SNX30: variants seen among roughly 807,000 people sequenced by gnomAD.
SNX30 encodes the protein sorting nexin family member 30, also known as sorting nexin-30.
A neutral mutation model predicts 46.4 loss-of-function variants in SNX30; 24 were observed. That is an observed-to-expected ratio of 0.52 (90% CI 0.37 to 0.73). The LOEUF (loss-of-function observed/expected upper bound fraction) is 0.73. Among genes scored for constraint, SNX30 ranks in the 30% least tolerant of loss-of-function variants. SNX30 has a pLI of 0.00. For synonymous variants in SNX30, 189 were observed against 211.5 expected, an observed-to-expected ratio of 0.89 and a Z score of 0.92; for missense variants, 533 against 555.7, an observed-to-expected ratio of 0.96 and a Z score of 0.41.
At chr9:112,754,588 T>A (rs1390817459) in intron 1 of SNX30, among the ~76,000 whole-genome samples, 1 of 152,014 alleles carries the variant, frequency 6.6e-6, no homozygotes, top group Non-Finnish European at 1.5e-5. Context: ...TTATTTTTAG[T>A]AGTGATGGGG....
chr9:112,843,203 G>A (rs1840885320), intron 6 of SNX30, among the ~76,000 whole-genome samples: 1 of 152,176 alleles, frequency 6.6e-6, no homozygotes, highest in Non-Finnish European at 1.5e-5. Context: ...ATAGAAGGTG[G>A]TCAGCAAGCA....
chr9:112,817,316 G>C (rs1248240320), intron 2 of SNX30, among the ~76,000 whole-genome samples: 1 of 149,088 alleles, frequency 6.7e-6, no homozygotes, highest in Non-Finnish European at 1.5e-5. Flanking sequence ...GTTAAGCTTG[G>C]AGGAAATGAA....
At chr9:112,793,242 C>G (rs1840054461) in intron 1 of SNX30, among the ~76,000 whole-genome samples, 1 of 152,200 alleles carries the variant, frequency 6.6e-6, no homozygotes, top group African/African-American at 2.4e-5. Context: ...GTTTTAGCTG[C>G]TCCCCCCATC....
rs1564280240 is a variant in SNX30, at chr9:112,820,271, T to TA, written c.459+2456_459+2457insA. ...ATTCTTGGTACTTGCATATCTGGAGTGGAGATTTAATATGGGAGAGCCTCT... is the reference window on the plus strand; with the variant it reads ...ATTCTTGGTACTTGCATATCTGGAGTAGGAGATTTAATATGGGAGAGCCTCT... On this transcript the variant is annotated intron_variant, in intron 3 of 8. Coordinates refer to ENST00000374232, the MANE Select transcript of SNX30 (RefSeq NM_001012994.2). Among the ~76,000 whole-genome samples, 72 of 18,302 alleles carry TA rather than the reference T, an allele frequency of 3.9e-3. 1 individual carries two copies. The highest frequency in any genetic ancestry group is 0.025 in the African/African-American group (68 of 2,742). 12.0% of individuals were successfully genotyped at this position (18,302 alleles called of 152,430 possible).
At chr9:112,750,630 C>T (rs891087628), upstream of SNX30, among the ~76,000 whole-genome samples, 6 of 151,480 alleles carry the variant, frequency 4.0e-5, no homozygotes, top group African/African-American at 1.2e-4. Context: ...CGCGCCTCCT[C>T]CCTCCCTCCC....
chr9:112,851,120 C>T (rs929920074), intron 7 of SNX30, among the ~76,000 whole-genome samples, 175 bp downstream of exon 7: 1 of 152,150 alleles, frequency 6.6e-6, no homozygotes, highest in Non-Finnish European at 1.5e-5. Context: ...TCCTAGTGTT[C>T]ACTTGGGATT....
chr9:112,855,016 C>A (rs1409251950), intron 7 of SNX30, among the ~76,000 whole-genome samples: 1 of 152,124 alleles, frequency 6.6e-6, no homozygotes, highest in African/African-American at 2.4e-5. Context: ...TTAAGAAGTC[C>A]CTTTTCTGAC....
intron 3 of SNX30, 64 bp downstream of exon 3, chr9:112,817,879 C>A: frequency 9.6e-7 from 1 of 1,043,188 alleles, no homozygotes; most frequent in South Asian, 1.3e-5. Context: ...TGAAGGGGTT[C>A]ACTCAACTCT....
At chr9:112,848,727 A>G (rs1588137518) in intron 6 of SNX30, among the ~76,000 whole-genome samples, 1 of 152,142 alleles carries the variant, frequency 6.6e-6, no homozygotes, top group Admixed American at 6.5e-5. Context: ...AGAGACAGAG[A>G]CCCTGCCTCT....
At chr9:112,757,367 C>T (rs866396388) in intron 1 of SNX30, among the ~76,000 whole-genome samples, 1 of 152,152 alleles carries the variant, frequency 6.6e-6, no homozygotes, top group South Asian at 2.1e-4. Context: ...TTTGTGTGTA[C>T]ACACACAGTA....
At chr9:112,807,861 C>G (rs761990155) in intron 2 of SNX30, among the ~76,000 whole-genome samples, 1 of 152,238 alleles carries the variant, frequency 6.6e-6, no homozygotes, top group African/African-American at 2.4e-5. Flanking sequence ...TATCCCTTCT[C>G]TTGGGCTTGA....
At chr9:112,841,424 T>C (rs1306239561) in intron 6 of SNX30, among the ~76,000 whole-genome samples, 1 of 152,094 alleles carries the variant, frequency 6.6e-6, no homozygotes. Context: ...ATGTATGGAG[T>C]TTCTTGTTTA....
At chr9:112,878,575 G>A (rs542782898), downstream of SNX30, 3 of 152,380 alleles carry the variant, frequency 2.0e-5, no homozygotes, top group African/African-American at 7.2e-5. Context: ...CATCTGCTCT[G>A]CTCATGTTGC....
intron 4 of SNX30, 99 bp downstream of exon 4, chr9:112,830,982 T>G: frequency 7.9e-7 from 1 of 1,270,690 alleles, no homozygotes; most frequent in Non-Finnish European, 1.1e-6. Flanking sequence ...ACAAAAACTT[T>G]TAACAAATAG....
chr9:112,794,069 A>G (rs1840068673), intron 1 of SNX30, among the ~76,000 whole-genome samples: 1 of 152,134 alleles, frequency 6.6e-6, no homozygotes. Context: ...CTTTGAGTTT[A>G]TTCTCCAAAG....
chr9:112,817,401 C>CTGTTTTTTTTTTTT (rs1840414391), intron 2 of SNX30, among the ~76,000 whole-genome samples: 6 of 46,832 alleles, frequency 1.3e-4, no homozygotes, highest in East Asian at 2.6e-3. Flanking sequence ...AAAAAACTGG[C>CTGTTTTTTTTTTTT]TTTTTTTTTT....
In SNX30 at chr9:112,870,577, G is replaced by A. The variant is rs1203450421; in HGVS notation, c.*1734G>A. ...GTGCCATTCTCAAGTCCTTTGATGT[G>A]AATTTTCAGTTTGGTACAGTTAGAA... On this transcript the variant is annotated 3_prime_UTR_variant, in exon 9 of 9. Transcript: ENST00000374232. The A allele has an allele frequency of 6.6e-6, 1 of 152,262 alleles. No individual in the cohort carries two copies. Among genetic ancestry groups the A allele is most frequent in the African/African-American group, 2.4e-5 (1 of 41,456 alleles). 9.4% of individuals were successfully genotyped at this position (152,262 alleles called of 1,614,324 possible).
chr9:112,770,616 C>A (rs1057082037), intron 1 of SNX30, among the ~76,000 whole-genome samples: 3 of 152,198 alleles, frequency 2.0e-5, no homozygotes, highest in Non-Finnish European at 4.4e-5. Flanking sequence ...CCTGCCCACT[C>A]CCTTGCCTCA....
intron 1 of SNX30, among the ~76,000 whole-genome samples, chr9:112,770,206 C>G (rs938319579): frequency 1.3e-5 from 2 of 152,058 alleles, no homozygotes; most frequent in Non-Finnish European, 2.9e-5. Flanking sequence ...GAGTCTCACT[C>G]TGTTGGCCAG....
Sources: gnomAD v4.1 joint callset for allele counts (sites outside exome capture counted in the v4.1 genomes callset) on GRCh38, gnomAD v4.1.1 for gene constraint, MANE v1.5 for transcripts, NCBI Gene and HGNC (gene_info 2026-07-23, HGNC 2026-07-21) for gene names.